The following GRK1 variants were observed in gnomAD, a reference collection of about 807,000 sequenced individuals.
The protein encoded by GRK1 is rhodopsin kinase GRK1.
GRK1 carries 28 observed loss-of-function variants against 41.7 expected under a neutral mutation model. That is an observed-to-expected ratio of 0.67 (90% CI 0.50 to 0.92). The LOEUF (loss-of-function observed/expected upper bound fraction) is 0.92. GRK1 is among the 40% of genes least tolerant of loss of function. The pLI is 0.00. For synonymous variants in GRK1, 327 were observed against 286.7 expected (o/e 1.14, Z -1.42); for missense variants, 703 against 671.2 (o/e 1.05, Z -0.52).
At position 113,731,344 on chromosome 13, in the gene GRK1, G is replaced by A. The variant is rs753691900; in HGVS notation, c.1194+1G>A. On this transcript the variant is annotated splice_donor_variant, in intron 5 of 6. Transcript: ENST00000335678. LOFTEE classifies it high-confidence loss of function. This position sits in a 1 kb window ranked among gnomAD's most constrained non-coding sequence, Gnocchi z 5.6. ...ACCCTTCCGAGCCCGTGGAGAGAAG[G>A]TAGGAGGCGGCCGGCAGGTGTCTCT... The A allele has an allele frequency of 1.4e-5, 21 of 1,536,744 alleles. No homozygotes were observed. The South Asian group carries it at 2.0e-4, about 15-fold the overall frequency.
chr13:113,733,703 G>A (rs1338994242), intron 6 of GRK1, among the ~76,000 whole-genome samples: 1 of 148,022 alleles, frequency 6.8e-6, no homozygotes, highest in Non-Finnish European at 1.5e-5. Context: ...ATACATGTGT[G>A]CGTGTGTGCG....
upstream of GRK1, among the ~76,000 whole-genome samples, chr13:113,663,138 G>A (rs1353881366): frequency 6.6e-6 from 1 of 152,106 alleles, no homozygotes; most frequent in African/African-American, 2.4e-5. Context: ...TGGTCAGAGG[G>A]AGACACATAG....
chr13:113,733,889 G>C lies in GRK1; in HGVS notation c.1396+804G>C, dbSNP rs556856720. 1.2e-3 allele frequency among the ~76,000 whole-genome samples: 121 copies of C among 98,042 alleles called. 2 individuals are homozygous for C. The South Asian group carries it at 0.021, about 17-fold the overall frequency. The allele number at this position is 98,042 out of a possible 152,430, so 64.3% of individuals were successfully genotyped here. ...TGTGTGCGTGTGTGCATACGTGTGT[G>C]CGTGTGTGTATGTGTGCATACAGTG... On this transcript the variant is annotated intron_variant, in intron 6 of 6. Transcript: ENST00000335678.
chr13:113,650,250 C>T, the GRK1 span, among the ~76,000 whole-genome samples: 3 of 152,082 alleles, frequency 2.0e-5, no homozygotes, highest in African/African-American at 4.8e-5. The surrounding 1 kb of genome is among the most constrained non-coding windows in gnomAD (Gnocchi z 5.0). Context: ...ATACAAGAAC[C>T]TGGGCTTGGG....
chr13:113,651,422 C>T, the GRK1 span, among the ~76,000 whole-genome samples: 1 of 152,228 alleles, frequency 6.6e-6, no homozygotes, highest in Non-Finnish European at 1.5e-5. Context: ...TTGAAGCGTG[C>T]TGCTGACACG....
At chr13:113,733,531 G>GTGTGTGTGTA (rs2049954708) in intron 6 of GRK1, among the ~76,000 whole-genome samples, 1 of 151,218 alleles carries the variant, frequency 6.6e-6, no homozygotes, top group African/African-American at 2.4e-5. Flanking sequence ...ATGTGTGCGC[G>GTGTGTGTGTA]TGTGTGCATG....
intron 6 of GRK1, among the ~76,000 whole-genome samples, chr13:113,734,003 C>T (rs1259178761): frequency 2.1e-4 from 24 of 113,156 alleles, no homozygotes; most frequent in South Asian, 1.2e-3. Context: ...CATGTGTGTG[C>T]GTGTGCGTGC....
upstream of GRK1, among the ~76,000 whole-genome samples, chr13:113,664,537 C>T (rs1394447608): frequency 6.6e-6 from 1 of 152,216 alleles, no homozygotes; most frequent in Non-Finnish European, 1.5e-5. The surrounding 1 kb of genome is among the most constrained non-coding windows in gnomAD (Gnocchi z 5.4). Context: ...GTGATGGACA[C>T]GTTTCACATA....
intron 4 of GRK1, among the ~76,000 whole-genome samples, chr13:113,724,582 A>G (rs2049878367): frequency 6.6e-6 from 1 of 152,158 alleles, no homozygotes; most frequent in African/African-American, 2.4e-5. Context: ...CTGTTTCCCC[A>G]AAGTTCTGAC....
the GRK1 span, chr13:113,658,012 C>A: frequency 6.4e-7 from 1 of 1,571,040 alleles, no homozygotes. Flanking sequence ...TGCACCCAGC[C>A]GGCCCGCCCC....
At chr13:113,668,160 C>T in intron 1 of GRK1, 75 bp downstream of exon 1, 2 of 1,456,974 alleles carry the variant, frequency 1.4e-6, no homozygotes, top group African/African-American at 1.4e-5. Context: ...CAGAGGGCCC[C>T]CAGGTCACTG....
the GRK1 span, chr13:113,649,473 G>C: frequency 1.1e-5 from 17 of 1,560,130 alleles, no homozygotes; most frequent in Non-Finnish European, 1.4e-5. This position sits in a 1 kb window ranked among gnomAD's most constrained non-coding sequence, Gnocchi z 4.7. Context: ...ACACGATGGC[G>C]ACCTCAGCGT....
chr13:113,667,032 CCTT>C, upstream of GRK1: 1 of 188,412 alleles, frequency 5.3e-6, no homozygotes, highest in Non-Finnish European at 1.1e-5. The surrounding 1 kb of genome is among the most constrained non-coding windows in gnomAD (Gnocchi z 7.5). Context: ...GGTTGTTTGT[CCTT>C]CTCAGGGGAA....
chr13:113,723,106 G>A lies in GRK1; in HGVS notation c.1018G>A (p.Val340Met), dbSNP rs2049866640. 4.3e-6 allele frequency: 3 copies of A among 701,508 alleles called. No homozygotes were observed. The highest frequency in any genetic ancestry group is 1.5e-5 in the South Asian group (1 of 67,488). 43.5% of individuals were successfully genotyped at this position (701,508 alleles called of 1,614,324 possible). A position where few individuals can be genotyped will look rare whatever the true frequency, so the allele number is the denominator to read the frequency against. Reference protein sequence around the residue: ...NVRISDLGLAVELLDGQSKTK... With the variant: ...NVRISDLGLAMELLDGQSKTK... ...CCGGATCTCTGACCTTGGGCTGGCC[G>A]TGGAGCTGCTGGACGGACAGAGCAA... Residue 340 changes from valine (V) to methionine (M), a missense_variant, in exon 4 of 7, where the codon GTG becomes ATG. Val to Met is a conservative substitution (Grantham distance 21). Transcript: ENST00000335678.
At chr13:113,729,150 CAT>C (rs546674334) in intron 4 of GRK1, among the ~76,000 whole-genome samples, 146 of 152,274 alleles carry the variant, frequency 9.6e-4, no homozygotes, top group African/African-American at 3.3e-3. Flanking sequence ...GCAAACTAGA[CAT>C]ATGTGAGCCT....
At chr13:113,733,956 A>C (rs1033807652) in intron 6 of GRK1, among the ~76,000 whole-genome samples, 2 of 111,458 alleles carry the variant, frequency 1.8e-5, no homozygotes, top group African/African-American at 3.6e-5. Flanking sequence ...GTGTGTGTGC[A>C]TACGTGTGTG....
chr13:113,656,671 G>A, the GRK1 span, among the ~76,000 whole-genome samples: 19 of 152,304 alleles, frequency 1.2e-4, no homozygotes, highest in Non-Finnish European at 1.5e-4. Flanking sequence ...TAAGAATAAC[G>A]TGTCCTATTC....
Position 113,671,467 on chromosome 13 carries a change from G to A in GRK1, c.828-32G>A, listed in dbSNP as rs779487641. 18 of 777,046 alleles carry A rather than the reference G, an allele frequency of 2.3e-5. No individual in the cohort carries two copies. The highest frequency in any genetic ancestry group is 5.4e-5 in the South Asian group (4 of 74,580). 48.1% of individuals were successfully genotyped at this position (777,046 alleles called of 1,614,324 possible). A position where few individuals can be genotyped will look rare whatever the true frequency, so the allele number is the denominator to read the frequency against. On this transcript the variant is annotated intron_variant, in intron 2 of 6. Coordinates refer to ENST00000335678, the MANE Select transcript of GRK1 (RefSeq NM_002929.3). This position sits in a 1 kb window ranked among gnomAD's most constrained non-coding sequence, Gnocchi z 4.1. ...CATGATTTTACTCCCCATTAAACCC[G>A]GGGTGCATGGTTCCCACGTGTCTTC...
intron 1 of GRK1, among the ~76,000 whole-genome samples, chr13:113,669,037 T>C (rs1208438706): frequency 6.6e-6 from 1 of 152,172 alleles, no homozygotes; most frequent in Admixed American, 6.5e-5. Flanking sequence ...GACATCTAAT[T>C]CCCCCACCGT....
Sources: gnomAD v4.1 joint callset for allele counts (sites outside exome capture counted in the v4.1 genomes callset) on GRCh38, gnomAD v4.1.1 for gene constraint, Gnocchi (gnomAD v3.1) non-coding constraint, MANE v1.5 for transcripts, NCBI Gene and HGNC (gene_info 2026-07-23, HGNC 2026-07-21) for gene names.